The following ENDOD1 variants were observed in gnomAD, a reference collection of about 807,000 sequenced individuals.
ENDOD1 encodes the protein endonuclease domain containing 1.
ENDOD1 carries 9 observed loss-of-function variants against 6.5 expected under a neutral mutation model. That is an observed-to-expected ratio of 1.39 (90% confidence interval 0.84 to 2.43). The LOEUF (loss-of-function observed/expected upper bound fraction) is 2.43, where lower values mean the gene tolerates loss of function less well. Ranked by LOEUF, ENDOD1 falls within the 30% of genes most tolerant of loss-of-function variation. The pLI is 0.00. For missense variants in ENDOD1, 648 were observed against 635.5 expected (o/e 1.02, Z -0.21); for synonymous variants, 255 against 255.2 (o/e 1.00, Z 0.01).
intron 1 of ENDOD1, among the ~76,000 whole-genome samples, chr11:95,105,667 G>A (rs1410262356): frequency 6.6e-6 from 1 of 152,104 alleles, no homozygotes; most frequent in African/African-American, 2.4e-5. Context: ...GAGAACATGC[G>A]GTGTTTGGTT....
chr11:95,112,062 C>T (rs1555111999), intron 1 of ENDOD1, among the ~76,000 whole-genome samples: 2 of 152,174 alleles, frequency 1.3e-5, no homozygotes, highest in South Asian at 2.1e-4. Context: ...AGCCCTCTGT[C>T]GCTACTGGTC....
At chr11:95,099,375 G>A (rs1301910051) in intron 1 of ENDOD1, among the ~76,000 whole-genome samples, 1 of 152,208 alleles carries the variant, frequency 6.6e-6, no homozygotes, top group African/African-American at 2.4e-5. Context: ...ATTGGATGTG[G>A]TGCATGAGCC....
chr11:95,095,597 A>G (rs1399493121), intron 1 of ENDOD1, among the ~76,000 whole-genome samples: 1 of 152,224 alleles, frequency 6.6e-6, no homozygotes, highest in African/African-American at 2.4e-5. Context: ...TCCCTATACT[A>G]TTCTTTCAGT....
chr11:95,127,022 T>C (rs1591021406), intron 1 of ENDOD1, among the ~76,000 whole-genome samples: 1 of 152,184 alleles, frequency 6.6e-6, no homozygotes, highest in South Asian at 2.1e-4. Flanking sequence ...TTGATAGATA[T>C]AACATAACAT....
At chr11:95,115,298 G>C (rs1011884411) in intron 1 of ENDOD1, among the ~76,000 whole-genome samples, 2 of 150,452 alleles carry the variant, frequency 1.3e-5, no homozygotes, top group East Asian at 3.9e-4. Flanking sequence ...ATTATTCGCT[G>C]TTGATATATA....
At chr11:95,099,968 C>G (rs1467803971) in intron 1 of ENDOD1, among the ~76,000 whole-genome samples, 8 of 152,174 alleles carry the variant, frequency 5.3e-5, no homozygotes, top group Non-Finnish European at 8.8e-5. Context: ...TGGGCATCCA[C>G]TATGTTCTCG....
chr11:95,098,585 G>A (rs1042368379), intron 1 of ENDOD1, among the ~76,000 whole-genome samples: 4 of 152,060 alleles, frequency 2.6e-5, no homozygotes, highest in South Asian at 2.1e-4. Flanking sequence ...AAGGTACTCC[G>A]TTTTGGGCAC....
At chr11:95,107,889 G>A (rs1288851707) in intron 1 of ENDOD1, among the ~76,000 whole-genome samples, 6 of 152,008 alleles carry the variant, frequency 3.9e-5, no homozygotes, top group Non-Finnish European at 8.8e-5. Flanking sequence ...GGATGATCTC[G>A]ATCTCCTGAC....
rs772655096 is a variant in ENDOD1 at position 95,129,255 on chromosome 11, G to A, written c.1179G>A (p.Glu393=). 3.7e-6 allele frequency: 6 copies of A among 1,614,088 alleles called. No individual in the cohort carries two copies. The highest frequency in any genetic ancestry group is 5.1e-6 in the Non-Finnish European group (6 of 1,180,044). The change falls in exon 2 of 2, where the codon GAG becomes GAA. Residue 393 remains glutamate, a synonymous_variant. Transcript: ENST00000278505. The part of the protein sequence containing the change: ...TISYFMAIGE[E]LVSIPWKVLK... Reference sequence around the variant, plus strand: ...CATACTTCATGGCCATTGGGGAAGAGTTGGTGAGCATTCCCTGGAAGGTGC... The same window carrying A: ...CATACTTCATGGCCATTGGGGAAGAATTGGTGAGCATTCCCTGGAAGGTGC...
chr11:95,126,886 A>G (rs1009798840), intron 1 of ENDOD1, among the ~76,000 whole-genome samples: 2 of 151,996 alleles, frequency 1.3e-5, no homozygotes, highest in Non-Finnish European at 2.9e-5. Context: ...GGGTTTCGCC[A>G]TGTTGCCCAG....
At position 95,089,885 on chromosome 11, in the gene ENDOD1, G is replaced by C. The variant is rs1247427404; in HGVS notation, c.-43G>C. 7 of 1,294,426 alleles carry C rather than the reference G, an allele frequency of 5.4e-6. No homozygotes were observed. Among genetic ancestry groups the C allele is most frequent in the South Asian group, 5.3e-5 (2 of 37,430 alleles). 80.2% of individuals were successfully genotyped at this position (1,294,426 alleles called of 1,614,324 possible). A position where few individuals can be genotyped will look rare whatever the true frequency, so the allele number is the denominator to read the frequency against. ...GCCCAGCCTGCAGAGCTCGCGCCGC[G>C]GCAGCCCAGCCGCTCGGCCCCGCCG... On this transcript the variant is annotated 5_prime_UTR_variant, in exon 1 of 2. Coordinates refer to ENST00000278505, the MANE Select transcript of ENDOD1 (RefSeq NM_015036.3).
chr11:95,107,309 G>C (rs1555111507), intron 1 of ENDOD1, among the ~76,000 whole-genome samples: 1 of 151,112 alleles, frequency 6.6e-6, no homozygotes, highest in African/African-American at 2.4e-5. Context: ...CCTCCAGCCT[G>C]GGCGAGAGAG....
intron 1 of ENDOD1, among the ~76,000 whole-genome samples, chr11:95,120,422 A>G (rs1189411445): frequency 4.0e-5 from 6 of 151,848 alleles, no homozygotes; most frequent in African/African-American, 1.5e-4. Flanking sequence ...TCAAGACAAC[A>G]CGTTTTCTTC....
At chr11:95,095,391 A>G (rs1444190773) in intron 1 of ENDOD1, among the ~76,000 whole-genome samples, 4 of 2,054 alleles carry the variant, frequency 1.9e-3, no homozygotes, top group African/African-American at 4.1e-3. Context: ...CTGAGACTGG[A>G]TAAGACTGGG....
rs543568241 is a variant in ENDOD1, at chr11:95,130,946, A to G, written c.*1367A>G. On this transcript the variant is annotated 3_prime_UTR_variant, in exon 2 of 2. Transcript: ENST00000278505. ...TGCTGAGAGGTAGAAACAGCCAAGT[A>G]TGAAATACTGATCTTGGGGCTACCG... 5 of 152,398 alleles carry G rather than the reference A, an allele frequency of 3.3e-5. No homozygotes were observed. The South Asian group carries it at 1.0e-3, about 32-fold the overall frequency. 9.4% of individuals were successfully genotyped at this position (152,398 alleles called of 1,614,324 possible).
intron 1 of ENDOD1, among the ~76,000 whole-genome samples, chr11:95,115,447 A>C (rs1859199151): frequency 1.3e-5 from 2 of 151,964 alleles, no homozygotes; most frequent in South Asian, 4.2e-4. Context: ...ATCCACAAAC[A>C]AGGATAATTT....
intron 1 of ENDOD1, among the ~76,000 whole-genome samples, chr11:95,107,473 C>G (rs1455983002): frequency 6.6e-6 from 1 of 152,050 alleles, no homozygotes; most frequent in Non-Finnish European, 1.5e-5. Context: ...GAAATGGAGC[C>G]TTCTCAATGT....
chr11:95,103,141 C>T (rs904430731), intron 1 of ENDOD1, among the ~76,000 whole-genome samples: 11 of 131,192 alleles, frequency 8.4e-5, no homozygotes, highest in Admixed American at 1.5e-4. Flanking sequence ...GTGTGTGTTT[C>T]CTCTCAGTGA....
rs115804263 is a variant in ENDOD1 at position 95,099,703 on chromosome 11, T to G, written c.300+9476T>G. 6.3e-3 allele frequency among the ~76,000 whole-genome samples: 955 copies of G among 152,368 alleles called. 10 individuals carry two copies. The highest frequency in any genetic ancestry group is 0.022 in the African/African-American group (908 of 41,588). ...CCAAAATTCCTTTTTCCTTTATGAC[T>G]GTTTAGTAAGTTAAAGTCCTTCATC... On this transcript the variant is annotated intron_variant, in intron 1 of 1. Transcript: ENST00000278505.
Sources: allele counts gnomAD v4.1 joint callset (sites outside exome capture counted in the v4.1 genomes callset), GRCh38; gene constraint gnomAD v4.1.1; transcripts MANE v1.5; gene names NCBI Gene and HGNC (gene_info 2026-07-23, HGNC 2026-07-21).